IGSF21: variants seen among roughly 807,000 people sequenced by gnomAD.
The protein encoded by IGSF21 is immunoglobin superfamily member 21.
A neutral mutation model predicts 46.8 loss-of-function variants in IGSF21; 28 were observed. The ratio of observed to expected loss-of-function variants is 0.60; its 90% CI spans 0.44 to 0.82. The LOEUF (loss-of-function observed/expected upper bound fraction) is 0.82, where lower values mean the gene tolerates loss of function less well. IGSF21 is among the 40% of genes least tolerant of loss of function. The pLI, the probability that IGSF21 is intolerant of heterozygous loss-of-function variation, is 0.00. For synonymous variants in IGSF21, 284 were observed against 273.6 expected, an observed-to-expected ratio of 1.04 and a Z score of -0.38; for missense variants, 624 against 665.5, an observed-to-expected ratio of 0.94 and a Z score of 0.69.
At chr1:18,267,357 T>A (rs892719144) in intron 2 of IGSF21, among the ~76,000 whole-genome samples, 2 of 152,136 alleles carry the variant, frequency 1.3e-5, no homozygotes, top group Non-Finnish European at 2.9e-5. Flanking sequence ...AAGGTGAGCA[T>A]CAGGGTGCTC....
At chr1:18,154,031 A>G (rs2124436637) in intron 1 of IGSF21, among the ~76,000 whole-genome samples, 1 of 152,300 alleles carries the variant, frequency 6.6e-6, no homozygotes, top group Non-Finnish European at 1.5e-5. Flanking sequence ...CCTTATCTGC[A>G]TCCGTGGGAT....
intron 1 of IGSF21, among the ~76,000 whole-genome samples, chr1:18,142,021 G>A (rs1355219145): frequency 6.6e-6 from 1 of 152,128 alleles, no homozygotes; most frequent in African/African-American, 2.4e-5. Flanking sequence ...AGTGAGCCAA[G>A]ATTGTGCCAC....
intron 2 of IGSF21, among the ~76,000 whole-genome samples, chr1:18,243,811 A>G (rs1221070357): frequency 2.0e-5 from 3 of 152,116 alleles, no homozygotes; most frequent in Non-Finnish European, 4.4e-5. Context: ...AGCAGCATGA[A>G]CCCTGAGGAG....
In IGSF21 at chr1:18,362,129, A is replaced by G; in HGVS notation, c.439A>G (p.Ile147Val). 2.5e-6 allele frequency: 4 copies of G among 1,610,160 alleles called. No homozygotes were observed. The highest frequency in any genetic ancestry group is 3.4e-6 in the Non-Finnish European group (4 of 1,178,206). ...FLNVMAPPTSIEVVAADTPAP... is the reference protein window; with the variant it reads ...FLNVMAPPTSVEVVAADTPAP... ...TTTTGGGGCAGCTCCTCCCACCTCC[A>G]TTGAAGTGGTGGCTGCTGACACACC... The change falls in exon 5 of 10, where the codon ATT becomes GTT. Residue 147 changes from isoleucine (I) to valine (V), a missense_variant. Ile to Val is a conservative substitution (Grantham distance 29). Transcript: ENST00000251296.
chr1:18,286,964 G>C (rs1179051605), intron 2 of IGSF21, among the ~76,000 whole-genome samples: 1 of 151,926 alleles, frequency 6.6e-6, no homozygotes, highest in Non-Finnish European at 1.5e-5. Context: ...GGCGGATCAC[G>C]AGGTCAGGAG....
intron 1 of IGSF21, among the ~76,000 whole-genome samples, chr1:18,189,593 C>G (rs1170860637): frequency 6.6e-6 from 1 of 151,800 alleles, no homozygotes; most frequent in Non-Finnish European, 1.5e-5. Flanking sequence ...GATGGCCCCA[C>G]TGGGGGTGCT....
chr1:18,339,093 G>A (rs541302871), intron 4 of IGSF21, among the ~76,000 whole-genome samples: 3 of 152,290 alleles, frequency 2.0e-5, no homozygotes, highest in Non-Finnish European at 2.9e-5. Flanking sequence ...CACCCTCCGC[G>A]TGCCAGCATT....
At chr1:18,282,481 A>G (rs1277961074) in intron 2 of IGSF21, among the ~76,000 whole-genome samples, 1 of 152,078 alleles carries the variant, frequency 6.6e-6, no homozygotes, top group Non-Finnish European at 1.5e-5. Flanking sequence ...AGGAGGTCTC[A>G]GAGCTCCCAT....
intron 2 of IGSF21, among the ~76,000 whole-genome samples, chr1:18,273,898 A>G (rs573794268): frequency 1.8e-4 from 28 of 152,140 alleles, no homozygotes; most frequent in African/African-American, 6.3e-4. Context: ...GCCTAAGTCT[A>G]ACTCCTGGGT....
At chr1:18,119,469 G>A (rs2086214150) in intron 1 of IGSF21, among the ~76,000 whole-genome samples, 1 of 152,244 alleles carries the variant, frequency 6.6e-6, no homozygotes, top group African/African-American at 2.4e-5. Context: ...GTATTGGACA[G>A]TGCACTTCCA....
intron 1 of IGSF21, among the ~76,000 whole-genome samples, chr1:18,121,916 C>T (rs1469717622): frequency 6.6e-6 from 1 of 152,220 alleles, no homozygotes; most frequent in Non-Finnish European, 1.5e-5. Context: ...TAAGGGGACA[C>T]GTTCTGTAGG....
At chr1:18,291,179 A>T (rs1238825529) in intron 2 of IGSF21, among the ~76,000 whole-genome samples, 3 of 152,164 alleles carry the variant, frequency 2.0e-5, no homozygotes, top group South Asian at 4.1e-4. Flanking sequence ...ACAGCGGGAC[A>T]GCCCGGCAGC....
At chr1:18,340,037 A>G (rs1230319390) in intron 4 of IGSF21, among the ~76,000 whole-genome samples, 1 of 152,218 alleles carries the variant, frequency 6.6e-6, no homozygotes, top group Non-Finnish European at 1.5e-5. Context: ...GTAAAACAGC[A>G]TATCAGAATG....
At chr1:18,279,322 T>G (rs192002) in intron 2 of IGSF21, among the ~76,000 whole-genome samples, 152,329 of 152,336 alleles carry the variant, frequency 1, 76,161 homozygotes, top group Non-Finnish European at 1. Context: ...ATGTGGATTC[T>G]AGGAGAAGAG....
intron 3 of IGSF21, among the ~76,000 whole-genome samples, chr1:18,325,876 G>C (rs974975290): frequency 1.3e-5 from 2 of 152,204 alleles, no homozygotes; most frequent in African/African-American, 2.4e-5. Flanking sequence ...GATGCCGTGA[G>C]GGCAGCCGGG....
At chr1:18,142,820 T>A (rs2086429749) in intron 1 of IGSF21, among the ~76,000 whole-genome samples, 1 of 151,978 alleles carries the variant, frequency 6.6e-6, no homozygotes, top group Non-Finnish European at 1.5e-5. Flanking sequence ...CACTAGCGAG[T>A]GGGACAAATG....
At chr1:18,319,901 T>C (rs1476215137) in intron 3 of IGSF21, among the ~76,000 whole-genome samples, 1 of 152,246 alleles carries the variant, frequency 6.6e-6, no homozygotes, top group Non-Finnish European at 1.5e-5. Context: ...GTTTACCGTC[T>C]GTGTCCCTCA....
At chr1:18,362,908 A>T (rs1442689404) in intron 5 of IGSF21, among the ~76,000 whole-genome samples, 1 of 152,140 alleles carries the variant, frequency 6.6e-6, no homozygotes, top group Non-Finnish European at 1.5e-5. Context: ...TACTCACTGA[A>T]CAACCATGAG....
At chr1:18,222,291 C>T (rs2084518018) in intron 1 of IGSF21, among the ~76,000 whole-genome samples, 1 of 152,180 alleles carries the variant, frequency 6.6e-6, no homozygotes, top group African/African-American at 2.4e-5. Flanking sequence ...CTGACTTTGA[C>T]CCCAGCCTGG....
Sources: allele counts gnomAD v4.1 joint callset (sites outside exome capture counted in the v4.1 genomes callset), GRCh38; gene constraint gnomAD v4.1.1; transcripts MANE v1.5; gene names NCBI Gene and HGNC (gene_info 2026-07-23, HGNC 2026-07-21).